EPHA5: variants seen among roughly 807,000 people sequenced by gnomAD.
The protein encoded by EPHA5 is EPH receptor A5, also known as ephrin type-A receptor 5.
EPHA5 carries 60 observed loss-of-function variants against 105.0 expected under a neutral mutation model. The ratio of observed to expected loss-of-function variants is 0.57; its 90% CI spans 0.46 to 0.71. The LOEUF is 0.71. Ranked by LOEUF, EPHA5 falls within the 30% of genes least tolerant of loss-of-function variation. The pLI is 0.00. For synonymous variants in EPHA5, 513 were observed against 449.1 expected (o/e 1.14, Z -1.80); for missense variants, 1,218 against 1,274.7 (o/e 0.96, Z 0.68).
chr4:65,577,926 T>C (rs1741224891), intron 3 of EPHA5, among the ~76,000 whole-genome samples: 1 of 152,166 alleles, frequency 6.6e-6, no homozygotes, highest in Non-Finnish European at 1.5e-5. Flanking sequence ...CTCAGGAATC[T>C]TTTGGTTATT....
At chr4:65,327,996 T>C (rs28399873) in intron 16 of EPHA5, among the ~76,000 whole-genome samples, 15,031 of 151,082 alleles carry the variant, frequency 0.099, 964 homozygotes, top group African/African-American at 0.17. Context: ...TGAAAAATAA[T>C]TTGGAAATGG....
chr4:65,443,441 A>G (rs1726205138), intron 5 of EPHA5, among the ~76,000 whole-genome samples: 1 of 151,862 alleles, frequency 6.6e-6, no homozygotes, highest in Non-Finnish European at 1.5e-5. Context: ...AATTAGATGG[A>G]AAGGAAATAT....
chr4:65,348,108 C>G lies in EPHA5; in HGVS notation c.2541G>C (p.Met847Ile), dbSNP rs568892090. The G allele has an allele frequency of 6.2e-7, 1 of 1,613,274 alleles. No homozygotes were observed. The highest frequency in any genetic ancestry group is 1.1e-5 in the South Asian group (1 of 90,988). Residue 847 changes from methionine (M) to isoleucine (I), a missense_variant, in exon 14 of 17, where the codon ATG (methionine) becomes ATC (isoleucine). By Grantham distance (10) the Met-to-Ile change is conservative. Transcript: ENST00000613740. ...ASDVWSYGIV[M>I]WEVVSYGERP... Reference sequence around the variant, plus strand: ...TCTCTCCATAAGACACAACTTCCCACATTACTATTCCATAACTCCAGACAT... The same window carrying G: ...TCTCTCCATAAGACACAACTTCCCAGATTACTATTCCATAACTCCAGACAT...
chr4:65,483,612 T>C (rs1458907181), intron 5 of EPHA5, among the ~76,000 whole-genome samples: 1 of 152,194 alleles, frequency 6.6e-6, no homozygotes, highest in Non-Finnish European at 1.5e-5. Flanking sequence ...CTAACATTGA[T>C]CTTGGTGGAT....
chr4:65,588,973 A>C (rs1246880270), intron 3 of EPHA5, among the ~76,000 whole-genome samples: 1 of 152,192 alleles, frequency 6.6e-6, no homozygotes, highest in South Asian at 2.1e-4. Flanking sequence ...AAATTGCTTT[A>C]AACTTTTAAA....
At chr4:65,411,041 T>C (rs1311142520) in intron 7 of EPHA5, among the ~76,000 whole-genome samples, 1 of 152,068 alleles carries the variant, frequency 6.6e-6, no homozygotes, top group East Asian at 1.9e-4. Context: ...ATATATTGTT[T>C]TGTTTTGTTT....
chr4:65,655,029 A>T (rs537730228), intron 1 of EPHA5, among the ~76,000 whole-genome samples: 1 of 151,134 alleles, frequency 6.6e-6, no homozygotes, highest in Non-Finnish European at 1.5e-5. Context: ...CATACTTAGA[A>T]TTCATTTTTC....
chr4:65,392,647 C>T (rs750028957), intron 8 of EPHA5, among the ~76,000 whole-genome samples: 18 of 152,178 alleles, frequency 1.2e-4, no homozygotes, highest in Middle Eastern at 6.8e-3. Context: ...TGCACTACTT[C>T]TTGAAATCAT....
intron 1 of EPHA5, among the ~76,000 whole-genome samples, chr4:65,654,973 T>C (rs1748931852): frequency 6.7e-6 from 1 of 149,972 alleles, no homozygotes; most frequent in South Asian, 2.1e-4. Context: ...ACCTTGAGGA[T>C]CAGTTTTTTC....
intron 3 of EPHA5, among the ~76,000 whole-genome samples, chr4:65,497,222 G>C (rs1191807385): frequency 6.6e-6 from 1 of 152,072 alleles, no homozygotes; most frequent in Non-Finnish European, 1.5e-5. Context: ...AGAAATTTCT[G>C]ATAGACTAAA....
intron 5 of EPHA5, among the ~76,000 whole-genome samples, chr4:65,467,955 C>T (rs4860183): frequency 0.13 from 19,760 of 152,152 alleles, 1,791 homozygotes; most frequent in East Asian, 0.4. Flanking sequence ...CATCTTTCCT[C>T]TAGAACCTAG....
chr4:65,451,969 ATTATC>A (rs1578146124), intron 5 of EPHA5, among the ~76,000 whole-genome samples: 1 of 152,156 alleles, frequency 6.6e-6, no homozygotes, highest in East Asian at 1.9e-4. Context: ...AAAAAGTCAT[ATTATC>A]TTGTTAGTTA....
At chr4:65,508,303 A>G (rs982963284) in intron 3 of EPHA5, among the ~76,000 whole-genome samples, 1 of 152,152 alleles carries the variant, frequency 6.6e-6, no homozygotes, top group Non-Finnish European at 1.5e-5. Context: ...GTCATAAAAT[A>G]AGTCCAGCTA....
rs564670925 is a variant in EPHA5, at chr4:65,492,174, G to A, written c.1067-1462C>T. 4.6e-5 allele frequency among the ~76,000 whole-genome samples: 7 copies of A among 152,102 alleles called. No individual in the cohort carries two copies. In the East Asian group the frequency reaches 7.7e-4, roughly 17 times the overall value. On this transcript the variant is annotated intron_variant, in intron 4 of 16. Coordinates refer to ENST00000613740, the MANE Select transcript of EPHA5 (RefSeq NM_001281766.3). ...TTAAAAGTGGTAAGAAAGCTAATTG[G>A]CATTTAAGATTTAGCTGGATAGAAT...
rs549209560 is a variant in EPHA5, at chr4:65,323,827, T to C, written c.*287A>G. On this transcript the variant is annotated 3_prime_UTR_variant, in exon 17 of 17. Transcript: ENST00000613740. ...ATAATTATATATTTCATGTACAAAA[T>C]TTTGTAGAAGTAGTGGGAAGGATTC... is the stretch of plus-strand genomic sequence containing the variant. 60 of 264,494 alleles carry C rather than the reference T, an allele frequency of 2.3e-4. No homozygotes were observed. The highest frequency in any genetic ancestry group is 1.2e-3 in the African/African-American group (57 of 46,030). 16.4% of individuals were successfully genotyped at this position (264,494 alleles called of 1,614,324 possible). A position where few individuals can be genotyped will look rare whatever the true frequency, so the allele number is the denominator to read the frequency against.
chr4:65,495,399 A>G lies in EPHA5; in HGVS notation c.1055T>C (p.Met352Thr), dbSNP rs768735377. ...YFRRESDPPTMACTRPPSAPR... is the reference protein window; with the variant it reads ...YFRRESDPPTTACTRPPSAPR... Reference sequence around the variant, plus strand: ...GTGGGTTTCCTTACTTGTGCATGCCATTGTGGGTGGATCAGACTCTCTCCT... The same window carrying G: ...GTGGGTTTCCTTACTTGTGCATGCCGTTGTGGGTGGATCAGACTCTCTCCT... Residue 352 changes from methionine (M) to threonine (T), a missense_variant, in exon 4 of 17, where the codon ATG becomes ACG. Transcript: ENST00000613740. 1 of 1,613,142 alleles carries G rather than the reference A, an allele frequency of 6.2e-7. No individual in the cohort carries two copies. The highest frequency in any genetic ancestry group is 1.7e-5 in the Admixed American group (1 of 59,842).
chr4:65,445,038 A>C (rs1030191429), intron 5 of EPHA5, among the ~76,000 whole-genome samples: 3 of 152,066 alleles, frequency 2.0e-5, no homozygotes, highest in Admixed American at 2.0e-4. Flanking sequence ...ACTGTGATTT[A>C]TGTTTTATCC....
At chr4:65,652,124 C>G (rs937963149) in intron 1 of EPHA5, among the ~76,000 whole-genome samples, 1 of 152,108 alleles carries the variant, frequency 6.6e-6, no homozygotes, top group African/African-American at 2.4e-5. Flanking sequence ...TCACAAAATA[C>G]TTCACATAAA....
At chr4:65,553,425 A>G (rs1261215971) in intron 3 of EPHA5, among the ~76,000 whole-genome samples, 1 of 151,828 alleles carries the variant, frequency 6.6e-6, no homozygotes. Context: ...TTTTTTTTCT[A>G]AACTTCTGTT....
Sources: allele counts gnomAD v4.1 joint callset (sites outside exome capture counted in the v4.1 genomes callset), GRCh38; gene constraint gnomAD v4.1.1; transcripts MANE v1.5; gene names NCBI Gene and HGNC (gene_info 2026-07-23, HGNC 2026-07-21).